The following PCDHGA1 variants were observed in gnomAD, a reference collection of about 807,000 sequenced individuals.
PCDHGA1 encodes protocadherin gamma subfamily A, 1, also known as protocadherin gamma-A1.
PCDHGA1 carries 32 observed loss-of-function variants against 58.0 expected under a neutral mutation model. That is an observed-to-expected ratio of 0.55 (90% CI 0.42 to 0.74). The LOEUF (loss-of-function observed/expected upper bound fraction) is 0.74. Among genes scored for constraint, PCDHGA1 ranks in the 30% least tolerant of loss-of-function variants. PCDHGA1 has a pLI of 0.00. For missense variants in PCDHGA1, 1,205 were observed against 1,182.3 expected (o/e 1.02, Z -0.28); for synonymous variants, 498 against 501.1 (o/e 0.99, Z 0.08).
intron 1 of PCDHGA1, chr5:141,395,876 T>C (rs1175297322): frequency 6.6e-6 from 1 of 152,090 alleles, no homozygotes; most frequent in Non-Finnish European, 1.5e-5. Context: ...AGTATGTGAG[T>C]CAGTGGTCAC....
chr5:141,368,008 G>A (rs1189583179), intron 1 of PCDHGA1, among the ~76,000 whole-genome samples: 1 of 152,086 alleles, frequency 6.6e-6, no homozygotes, highest in African/African-American at 2.4e-5. Context: ...ATGAAATACT[G>A]GCCTATGTGC....
chr5:141,454,762 G>C (rs889314181), intron 1 of PCDHGA1, among the ~76,000 whole-genome samples: 4 of 115,056 alleles, frequency 3.5e-5, no homozygotes, highest in African/African-American at 6.6e-5. Context: ...ATCTTGACAT[G>C]TTTTTTACAA....
chr5:141,403,909 A>G (rs2094466419), intron 1 of PCDHGA1: 1 of 1,613,946 alleles, frequency 6.2e-7, no homozygotes, highest in East Asian at 2.2e-5. Context: ...AAATGGAAAT[A>G]CAAGCTGAAG....
In PCDHGA1 at chr5:141,362,093, C is replaced by T. The variant is rs1228101788; in HGVS notation, c.2421+28988C>T. On this transcript the variant is annotated intron_variant, in intron 1 of 3. Coordinates refer to ENST00000517417, the MANE Select transcript of PCDHGA1 (RefSeq NM_018912.3). ...GCTGTGCGTGATGGAGGACAGCCGC[C>T]ACTCTCCGCTACGGCCACGCTGCAC... is the stretch of plus-strand genomic sequence containing the variant. 1 of 1,613,828 alleles carries T rather than the reference C, an allele frequency of 6.2e-7. No individual in the cohort carries two copies. Among genetic ancestry groups the T allele is most frequent in the Non-Finnish European group, 8.5e-7 (1 of 1,179,890 alleles).
intron 1 of PCDHGA1, chr5:141,356,333 G>GA: frequency 6.4e-7 from 1 of 1,554,488 alleles, no homozygotes; most frequent in African/African-American, 1.4e-5. Flanking sequence ...GACTCAGGAG[G>GA]AAATGGCCTA....
intron 1 of PCDHGA1, chr5:141,374,632 A>T: frequency 1.2e-6 from 2 of 1,613,162 alleles, no homozygotes; most frequent in Non-Finnish European, 1.7e-6. Context: ...TGGACGTGCA[A>T]AGCGAAGCCC....
chr5:141,419,389 G>C (rs551951411), intron 1 of PCDHGA1: 1 of 1,613,670 alleles, frequency 6.2e-7, no homozygotes, highest in South Asian at 1.1e-5. Context: ...TGAGCGCGCA[G>C]AGCGGGGTGG....
At chr5:141,371,209 G>T in intron 1 of PCDHGA1, 1 of 1,614,006 alleles carries the variant, frequency 6.2e-7, no homozygotes, top group Non-Finnish European at 8.5e-7. Context: ...ATGGATGAGG[G>T]CATCAATGCC....
chr5:141,386,695 A>G (rs2090674224), intron 1 of PCDHGA1, among the ~76,000 whole-genome samples: 1 of 152,168 alleles, frequency 6.6e-6, no homozygotes, highest in Non-Finnish European at 1.5e-5. Flanking sequence ...CACTTGGGGT[A>G]GAAGACAATG....
At position 141,362,530 on chromosome 5, in the gene PCDHGA1, C is replaced by T. The variant is rs769795967; in HGVS notation, c.2421+29425C>T. 70 of 1,613,818 alleles carry T rather than the reference C, an allele frequency of 4.3e-5. 1 individual carries two copies. The highest frequency in any genetic ancestry group is 8.3e-5 in the Admixed American group (5 of 59,998). Reference sequence around the variant, plus strand: ...TACAAATCATGGAGCCGCTGGGGTCCCTTTTGCCTCAGATACTATTTTGAA... The same window carrying T: ...TACAAATCATGGAGCCGCTGGGGTCTCTTTTGCCTCAGATACTATTTTGAA... On this transcript the variant is annotated intron_variant, in intron 1 of 3. Coordinates refer to ENST00000517417, the MANE Select transcript of PCDHGA1 (RefSeq NM_018912.3).
chr5:141,366,049 G>T (rs542025009), intron 1 of PCDHGA1: 28 of 1,614,244 alleles, frequency 1.7e-5, no homozygotes, highest in African/African-American at 4.0e-5. Context: ...ACGGTTCCAC[G>T]GGCGTGGAGC....
chr5:141,431,907 T>A lies in PCDHGA1; in HGVS notation c.2422-62900T>A, dbSNP rs2097427946. 2 of 1,613,964 alleles carry A rather than the reference T, an allele frequency of 1.2e-6. No homozygotes were observed. Among genetic ancestry groups the A allele is most frequent in the South Asian group, 2.2e-5 (2 of 91,086 alleles). Reference sequence around the variant, plus strand: ...GATTCTGAGGAAAACGGACAGGTGATCTGTTTCATCCAAGGAAATCTGCCC... The same window carrying A: ...GATTCTGAGGAAAACGGACAGGTGAACTGTTTCATCCAAGGAAATCTGCCC... On this transcript the variant is annotated intron_variant, in intron 1 of 3. Transcript: ENST00000517417. This position sits in a 1 kb window ranked among gnomAD's most constrained non-coding sequence, Gnocchi z 4.8.
chr5:141,510,141 T>C (rs1596266322), intron 3 of PCDHGA1, among the ~76,000 whole-genome samples: 1 of 152,014 alleles, frequency 6.6e-6, no homozygotes. Flanking sequence ...GGGCTAGTGG[T>C]GTGCACCTGT....
rs1471488551 is a variant in PCDHGA1 at position 141,330,815 on chromosome 5, T to C, written c.131T>C (p.Phe44Ser). The C allele has an allele frequency of 1.2e-6, 2 of 1,614,066 alleles. No individual in the cohort carries two copies. Among genetic ancestry groups the C allele is most frequent in the Admixed American group, 1.7e-5 (1 of 60,004 alleles). The change falls in exon 1 of 4, where the codon TTC becomes TCC. Residue 44 changes from phenylalanine (F) to serine (S), a missense_variant. Coordinates refer to ENST00000517417, the MANE Select transcript of PCDHGA1 (RefSeq NM_018912.3). ...CCGGAAGAGACAGACAAAGGTTCCT[T>C]CGTAGGCAACATCGCCAAGGACCTA... is the stretch of plus-strand genomic sequence containing the variant. ...SVPEETDKGSFVGNIAKDLGL... is the reference protein window; with the variant it reads ...SVPEETDKGSSVGNIAKDLGL...
intron 1 of PCDHGA1, chr5:141,478,813 A>G (rs2099478658): frequency 4.8e-6 from 7 of 1,453,346 alleles, no homozygotes; most frequent in Non-Finnish European, 6.3e-6. Context: ...TGCTATCACA[A>G]CTAACCAATC....
At chr5:141,446,860 G>A (rs969206755) in intron 1 of PCDHGA1, among the ~76,000 whole-genome samples, 17 of 152,162 alleles carry the variant, frequency 1.1e-4, no homozygotes, top group African/African-American at 3.9e-4. Flanking sequence ...CTTCCTGATA[G>A]CTCTACACTG....
At chr5:141,352,536 CAG>C (rs745565888) in intron 1 of PCDHGA1, 4 of 1,614,032 alleles carry the variant, frequency 2.5e-6, no homozygotes, top group South Asian at 2.2e-5. Context: ...TCTGCAAAGA[CAG>C]AGTTTAATTC....
At chr5:141,371,409 G>T in intron 1 of PCDHGA1, 2 of 1,614,022 alleles carry the variant, frequency 1.2e-6, no homozygotes, top group Non-Finnish European at 1.7e-6. Flanking sequence ...AGATATTTCA[G>T]ATGAAAATGA....
intron 1 of PCDHGA1, chr5:141,387,801 C>A: frequency 6.6e-7 from 1 of 1,509,314 alleles, no homozygotes; most frequent in Non-Finnish European, 8.9e-7. Flanking sequence ...AAAGTCCGTT[C>A]GGAGATCCAA....
Sources: allele counts gnomAD v4.1 joint callset (sites outside exome capture counted in the v4.1 genomes callset), GRCh38; gene constraint gnomAD v4.1.1; non-coding constraint Gnocchi (gnomAD v3.1); transcripts MANE v1.5; gene names NCBI Gene and HGNC (gene_info 2026-07-23, HGNC 2026-07-21).